The following CSGALNACT1 variants were observed in gnomAD, a reference collection of about 807,000 sequenced individuals.
The protein encoded by CSGALNACT1 is beta4GalNAcT-1.
In CSGALNACT1, 52 loss-of-function variants were observed where a neutral mutation model predicts 51.0. That is an observed-to-expected ratio of 1.02 (90% CI 0.82 to 1.29). The LOEUF is 1.29. Ranked by LOEUF, CSGALNACT1 falls within the 50% of genes most tolerant of loss-of-function variation. The pLI is 0.00. For synonymous variants in CSGALNACT1, 341 were observed against 254.4 expected, an observed-to-expected ratio of 1.34 and a Z score of -3.24; for missense variants, 935 against 679.2, an observed-to-expected ratio of 1.38 and a Z score of -4.19.
chr8:19,414,076 T>G (rs1218697866), intron 8 of CSGALNACT1, among the ~76,000 whole-genome samples: 2 of 152,186 alleles, frequency 1.3e-5, no homozygotes, highest in Admixed American at 6.5e-5. Context: ...TTCAGTGACG[T>G]CATGCTGGTA....
intron 8 of CSGALNACT1, among the ~76,000 whole-genome samples, chr8:19,418,002 G>A (rs1207827716): frequency 2.0e-5 from 3 of 152,196 alleles, no homozygotes; most frequent in Non-Finnish European, 2.9e-5. Context: ...GACCCTTGGG[G>A]GCTGTGTGCA....
intron 4 of CSGALNACT1, among the ~76,000 whole-genome samples, chr8:19,474,742 C>G (rs912275234): frequency 6.6e-6 from 1 of 151,874 alleles, no homozygotes; most frequent in African/African-American, 2.4e-5. Context: ...GTGGCACAGG[C>G]CTGTAATCCC....
At chr8:19,697,533 A>G (rs996013543) in intron 1 of CSGALNACT1, among the ~76,000 whole-genome samples, 2 of 152,186 alleles carry the variant, frequency 1.3e-5, no homozygotes, top group Non-Finnish European at 2.9e-5. Flanking sequence ...GGGCAGAGCT[A>G]AAACAGAAGA....
chr8:19,597,618 A>G (rs2049242957), intron 2 of CSGALNACT1, among the ~76,000 whole-genome samples: 1 of 152,050 alleles, frequency 6.6e-6, no homozygotes, highest in Non-Finnish European at 1.5e-5. Flanking sequence ...ACTTATTTTT[A>G]AACAATTAAT....
intron 6 of CSGALNACT1, among the ~76,000 whole-genome samples, chr8:19,432,202 C>T (rs117033784): frequency 0.02 from 2,983 of 152,150 alleles, 44 homozygotes; most frequent in South Asian, 0.036. Context: ...CCTAATTTTG[C>T]CTTCATTTGT....
intron 1 of CSGALNACT1, among the ~76,000 whole-genome samples, chr8:19,616,934 G>A (rs2053110796): frequency 6.6e-6 from 1 of 152,202 alleles, no homozygotes; most frequent in Non-Finnish European, 1.5e-5. Context: ...ATTTGGGGAT[G>A]ATTCAAACTC....
rs1353394305 is a variant in CSGALNACT1 at position 19,619,176 on chromosome 8, G to A, written c.-543-17311C>T. Among the ~76,000 whole-genome samples the A allele has an allele frequency of 2.0e-5, 3 of 149,500 alleles. No individual in the cohort carries two copies. In the East Asian group the frequency reaches 6.2e-4, roughly 31 times the overall value. On this transcript the variant is annotated intron_variant, in intron 1 of 9. Transcript: ENST00000332246. ...TTAGACTACTCAGACTCAAATCTGA[G>A]TCAGGAAGGGCAGGTAGGAGTGCAG...
intron 1 of CSGALNACT1, among the ~76,000 whole-genome samples, chr8:19,747,359 C>A (rs936293042): frequency 4.6e-5 from 7 of 152,168 alleles, no homozygotes; most frequent in Admixed American, 6.5e-5. Flanking sequence ...TCCCTGAGGC[C>A]TCTGTTATCC....
chr8:19,651,472 G>T (rs2057796509), intron 1 of CSGALNACT1, among the ~76,000 whole-genome samples: 1 of 152,094 alleles, frequency 6.6e-6, no homozygotes, highest in South Asian at 2.1e-4. Context: ...GTGTTCATGT[G>T]TACTCAACGT....
At chr8:19,472,651 T>G (rs1563593585) in intron 4 of CSGALNACT1, among the ~76,000 whole-genome samples, 1 of 152,222 alleles carries the variant, frequency 6.6e-6, no homozygotes, top group Non-Finnish European at 1.5e-5. Context: ...GTGAATCAAC[T>G]CGGCAATCAA....
chr8:19,433,256 C>T (rs2059905428), intron 6 of CSGALNACT1, among the ~76,000 whole-genome samples: 1 of 152,196 alleles, frequency 6.6e-6, no homozygotes, highest in Admixed American at 6.5e-5. Flanking sequence ...GATACACCTT[C>T]AGCACTCAGC....
intron 5 of CSGALNACT1, among the ~76,000 whole-genome samples, chr8:19,445,344 C>T (rs2061946729): frequency 6.6e-6 from 1 of 152,310 alleles, no homozygotes; most frequent in South Asian, 2.1e-4. Flanking sequence ...AGGAGAGGGT[C>T]ACCTGCTAAG....
intron 3 of CSGALNACT1, among the ~76,000 whole-genome samples, chr8:19,553,416 C>T (rs1391822297): frequency 1.3e-5 from 2 of 151,754 alleles, no homozygotes; most frequent in Non-Finnish European, 2.9e-5. Context: ...GGAATCAGTA[C>T]CTGATAAGAA....
intron 8 of CSGALNACT1, among the ~76,000 whole-genome samples, chr8:19,413,407 A>C (rs1463946623): frequency 6.6e-6 from 1 of 152,126 alleles, no homozygotes; most frequent in Non-Finnish European, 1.5e-5. Flanking sequence ...GTGAAATGAG[A>C]ATAATAGCAC....
intron 3 of CSGALNACT1, among the ~76,000 whole-genome samples, chr8:19,555,698 G>A (rs1472344766): frequency 1.3e-5 from 2 of 152,134 alleles, no homozygotes; most frequent in Admixed American, 1.3e-4. Flanking sequence ...CATGTTACGG[G>A]TGGTTAGGTT....
chr8:19,683,101 A>G (rs146927254), upstream of CSGALNACT1: 2 of 222,336 alleles, frequency 9.0e-6, no homozygotes, highest in Non-Finnish European at 1.8e-5. Context: ...ATCACAGGAC[A>G]TAATGGAATG....
intron 1 of CSGALNACT1, among the ~76,000 whole-genome samples, chr8:19,730,288 C>T (rs2063619753): frequency 6.6e-6 from 1 of 152,166 alleles, no homozygotes; most frequent in South Asian, 2.1e-4. Context: ...GATAGAACAA[C>T]ACTCGGGGAA....
At chr8:19,426,894 G>A (rs543249842) in intron 6 of CSGALNACT1, among the ~76,000 whole-genome samples, 1 of 152,318 alleles carries the variant, frequency 6.6e-6, no homozygotes, top group South Asian at 2.1e-4. Flanking sequence ...GTCTCTTCAT[G>A]TAACGCTTCT....
At chr8:19,423,145 C>A (rs1330058143) in intron 6 of CSGALNACT1, among the ~76,000 whole-genome samples, 1 of 152,182 alleles carries the variant, frequency 6.6e-6, no homozygotes, top group African/African-American at 2.4e-5. Flanking sequence ...ACCTGAACAA[C>A]AGCAAGTGAC....
Sources: allele counts gnomAD v4.1 joint callset (sites outside exome capture counted in the v4.1 genomes callset), GRCh38; gene constraint gnomAD v4.1.1; transcripts MANE v1.5; gene names NCBI Gene and HGNC (gene_info 2026-07-23, HGNC 2026-07-21).